Variants in ADCYAP1R1 observed in about 807,000 individuals in gnomAD.
ADCYAP1R1 encodes the protein pituitary adenylate cyclase-activating polypeptide type I receptor.
ADCYAP1R1 carries 44 observed loss-of-function variants against 67.6 expected under a neutral mutation model. The observed-to-expected ratio is 0.65, with a 90% CI of 0.51 to 0.84. The LOEUF is 0.84. Among genes scored for constraint, ADCYAP1R1 ranks in the 40% least tolerant of loss-of-function variants. ADCYAP1R1 has a pLI of 0.00. For synonymous variants in ADCYAP1R1, 222 were observed against 219.6 expected (o/e 1.01, Z -0.10); for missense variants, 477 against 587.9 (o/e 0.81, Z 1.95).
At chr7:31,104,800 C>T in intron 14 of ADCYAP1R1, 68 bp from the exon 15 acceptor site, 2 of 1,561,650 alleles carry the variant, frequency 1.3e-6, no homozygotes, top group Admixed American at 1.7e-5. Context: ...GTCATCCCCT[C>T]CATGCCCCAC....
intron 15 of ADCYAP1R1, 107 bp from the exon 16 acceptor site, chr7:31,106,389 T>C: frequency 7.5e-7 from 1 of 1,337,286 alleles, no homozygotes; most frequent in Non-Finnish European, 1.0e-6. Flanking sequence ...GTGGGGAGGG[T>C]GCTGAGGGTG....
At chr7:31,062,526 G>A (rs142675477) in intron 1 of ADCYAP1R1, among the ~76,000 whole-genome samples, 222 of 152,326 alleles carry the variant, frequency 1.5e-3, no homozygotes, top group African/African-American at 5.0e-3. Context: ...TCCCTCTGGC[G>A]TAACAGTCTG....
intron 12 of ADCYAP1R1, among the ~76,000 whole-genome samples, chr7:31,090,662 A>G (rs1424997862): frequency 1.3e-5 from 2 of 152,240 alleles, no homozygotes; most frequent in South Asian, 2.1e-4. Flanking sequence ...AAGTGAGAAC[A>G]CGTGGTATTT....
chr7:31,089,114 T>C (rs1229863002), intron 12 of ADCYAP1R1, among the ~76,000 whole-genome samples: 1 of 152,148 alleles, frequency 6.6e-6, no homozygotes, highest in African/African-American at 2.4e-5. Context: ...TAAGTGAGTC[T>C]AGGAATCATT....
intron 1 of ADCYAP1R1, among the ~76,000 whole-genome samples, chr7:31,059,393 G>A (rs777266732): frequency 1.1e-4 from 16 of 152,204 alleles, no homozygotes; most frequent in Non-Finnish European, 2.1e-4. Context: ...CATACTAAAT[G>A]CCAGGAGGTG....
intron 3 of ADCYAP1R1, 54 bp downstream of exon 3, chr7:31,064,990 G>A: frequency 4.3e-6 from 6 of 1,396,914 alleles, no homozygotes; most frequent in Non-Finnish European, 5.9e-6. Context: ...TTTTAGAACT[G>A]TTTTCCTGTG....
At chr7:31,096,627 A>G (rs189839163) in intron 13 of ADCYAP1R1, among the ~76,000 whole-genome samples, 3 of 152,326 alleles carry the variant, frequency 2.0e-5, no homozygotes, top group African/African-American at 7.2e-5. Context: ...GGACCCCTCC[A>G]GACCGGCTGG....
At chr7:31,095,607 C>T in intron 13 of ADCYAP1R1, 3 of 716,342 alleles carry the variant, frequency 4.2e-6, no homozygotes, top group Non-Finnish European at 7.8e-6. Context: ...ATGTGTGGGG[C>T]CAAGAAGCCC....
chr7:31,069,628 C>T (rs74584446), intron 3 of ADCYAP1R1, among the ~76,000 whole-genome samples: 2 of 152,200 alleles, frequency 1.3e-5, no homozygotes, highest in African/African-American at 4.8e-5. Context: ...CCAGGGGGAT[C>T]CAGGAAAGTA....
chr7:31,059,368 T>C (rs1271117336), intron 1 of ADCYAP1R1, among the ~76,000 whole-genome samples: 1 of 152,170 alleles, frequency 6.6e-6, no homozygotes, highest in African/African-American at 2.4e-5. Flanking sequence ...TCTGGCAAAA[T>C]GGTCCCAAGT....
At chr7:31,084,957 C>A in intron 8 of ADCYAP1R1, 123 bp downstream of exon 8, 2 of 953,702 alleles carry the variant, frequency 2.1e-6, no homozygotes, top group Non-Finnish European at 3.3e-6. Flanking sequence ...GCATTTCTCC[C>A]ACCCCAAGGA....
chr7:31,095,822 C>G, intron 13 of ADCYAP1R1: 1 of 698,606 alleles, frequency 1.4e-6, no homozygotes, highest in Admixed American at 2.0e-5. Context: ...CCTGGCCCAG[C>G]CTCAGAAGCA....
At chr7:31,068,990 A>G (rs1452480864) in intron 3 of ADCYAP1R1, among the ~76,000 whole-genome samples, 1 of 152,198 alleles carries the variant, frequency 6.6e-6, no homozygotes, top group Admixed American at 6.5e-5. Flanking sequence ...TCATACCTGC[A>G]GCACTGTAGA....
At chr7:31,104,397 G>A (rs149379040) in intron 14 of ADCYAP1R1, among the ~76,000 whole-genome samples, 123 of 152,316 alleles carry the variant, frequency 8.1e-4, no homozygotes, top group African/African-American at 2.8e-3. Context: ...CTCGCTCTGC[G>A]TGGTGTTCTG....
At chr7:31,096,838 A>G (rs1796215244) in intron 13 of ADCYAP1R1, among the ~76,000 whole-genome samples, 1 of 27,306 alleles carries the variant, frequency 3.7e-5, no homozygotes, top group South Asian at 1.6e-3. Flanking sequence ...AGTCCACCAC[A>G]TTCTGTGGAC....
intron 1 of ADCYAP1R1, among the ~76,000 whole-genome samples, chr7:31,057,376 C>T (rs1175204851): frequency 6.6e-6 from 1 of 152,232 alleles, no homozygotes; most frequent in East Asian, 1.9e-4. Flanking sequence ...TGCAGCATGA[C>T]CTTGGGGAAG....
At chr7:31,056,458 A>G (rs1006800506) in intron 1 of ADCYAP1R1, among the ~76,000 whole-genome samples, 1 of 152,058 alleles carries the variant, frequency 6.6e-6, no homozygotes, top group African/African-American at 2.4e-5. Context: ...GGACTTGTGT[A>G]GTGAACCAGG....
chr7:31,087,746 G>C (rs761643900), intron 12 of ADCYAP1R1, 50 bp downstream of exon 12: 1 of 1,481,818 alleles, frequency 6.7e-7, no homozygotes, highest in South Asian at 1.2e-5. Flanking sequence ...GTCTTGGGCA[G>C]AAAGGCACGC....
At chr7:31,100,674 A>T (rs1026903954) in intron 13 of ADCYAP1R1, among the ~76,000 whole-genome samples, 1 of 152,116 alleles carries the variant, frequency 6.6e-6, no homozygotes, top group African/African-American at 2.4e-5. Flanking sequence ...CAACAACTCT[A>T]TGAGCTGGGT....
Sources: gnomAD v4.1 joint callset for allele counts (sites outside exome capture counted in the v4.1 genomes callset) on GRCh38, gnomAD v4.1.1 for gene constraint, MANE v1.5 for transcripts, NCBI Gene and HGNC (gene_info 2026-07-23, HGNC 2026-07-21) for gene names.